Variants in WASF1 observed in about 807,000 individuals in gnomAD.
The protein encoded by WASF1 is WASP family member 1.
Under a neutral mutation model 50.5 loss-of-function variants are expected in WASF1, and 7 were observed. That is an observed-to-expected ratio of 0.14 (90% CI 0.08 to 0.26). WASF1 has a LOEUF of 0.26. WASF1 is among the 10% of genes least tolerant of loss of function. The pLI is 1.00. For missense variants in WASF1, 470 were observed against 694.7 expected (o/e 0.68, Z 3.64); for synonymous variants, 205 against 244.0 (o/e 0.84, Z 1.49).
chr6:110,177,531 T>C (rs1464178500), intron 2 of WASF1, among the ~76,000 whole-genome samples: 1 of 152,110 alleles, frequency 6.6e-6, no homozygotes, highest in Non-Finnish European at 1.5e-5. Context: ...AGATTTAAAT[T>C]TTCTTTAAAA....
chr6:110,171,785 TG>T (rs1191905230), intron 2 of WASF1, among the ~76,000 whole-genome samples: 1 of 152,088 alleles, frequency 6.6e-6, no homozygotes, highest in Non-Finnish European at 1.5e-5. Context: ...TCTACCCTTC[TG>T]ACAAAGGGCT....
chr6:110,100,410 T>C lies in WASF1; in HGVS notation c.*112A>G. 1.9e-6 allele frequency: 2 copies of C among 1,046,672 alleles called. No homozygotes were observed. The highest frequency in any genetic ancestry group is 2.6e-6 in the Non-Finnish European group (2 of 767,196). The allele number at this position is 1,046,672 out of a possible 1,614,324, so 64.8% of individuals were successfully genotyped here. On this transcript the variant is annotated 3_prime_UTR_variant, in exon 11 of 11. Coordinates refer to ENST00000392589, the MANE Select transcript of WASF1 (RefSeq NM_003931.3). The stretch of plus-strand genomic sequence containing the variant: ...CAAAAGTTATGGAGGAAAAGGGTCA[T>C]TTATTATAAGGAAAAGAAAGCAAAA...
chr6:110,110,177 A>C (rs1447479231), intron 5 of WASF1, among the ~76,000 whole-genome samples: 1 of 152,226 alleles, frequency 6.6e-6, no homozygotes, highest in Non-Finnish European at 1.5e-5. Flanking sequence ...TTTAATCTTT[A>C]CAATTCAGTA....
At chr6:110,117,023 A>T (rs950777333) in intron 4 of WASF1, among the ~76,000 whole-genome samples, 1 of 152,178 alleles carries the variant, frequency 6.6e-6, no homozygotes, top group Non-Finnish European at 1.5e-5. Flanking sequence ...TCGAAGACCA[A>T]AGGTAGATAA....
chr6:110,134,042 G>A (rs1373634223), intron 3 of WASF1, among the ~76,000 whole-genome samples: 2 of 152,036 alleles, frequency 1.3e-5, no homozygotes, highest in African/African-American at 4.8e-5. Context: ...GGAGAGCAGT[G>A]GCATGATCTA....
intron 3 of WASF1, among the ~76,000 whole-genome samples, chr6:110,159,771 G>A: frequency 6.6e-6 from 1 of 151,770 alleles, no homozygotes. Flanking sequence ...TATACACATG[G>A]CTTGAAGGTA....
chr6:110,163,424 T>C lies in WASF1; in HGVS notation c.-126-2692A>G, dbSNP rs1372592251. On this transcript the variant is annotated intron_variant, in intron 2 of 10. Transcript: ENST00000392589. ...GTCCTGTTCCAGGCTGTAGACTTCT[T>C]GTTGTGTTCTCATATGGCAGAAAGC... Among the ~76,000 whole-genome samples, 7 of 151,478 alleles carry C rather than the reference T, an allele frequency of 4.6e-5. 1 individual carries two copies. The highest frequency in any genetic ancestry group is 8.9e-5 in the Non-Finnish European group (6 of 67,644).
chr6:110,151,569 T>C (rs553639956), intron 3 of WASF1, among the ~76,000 whole-genome samples: 1 of 152,310 alleles, frequency 6.6e-6, no homozygotes, highest in South Asian at 2.1e-4. Flanking sequence ...AAATGCACAC[T>C]TACATTCATT....
chr6:110,141,811 A>C (rs1196998316), intron 3 of WASF1, among the ~76,000 whole-genome samples: 2 of 150,964 alleles, frequency 1.3e-5, no homozygotes, highest in Non-Finnish European at 2.9e-5. Flanking sequence ...TCGCTCTGTC[A>C]CCCAGGCTGG....
At chr6:110,125,556 G>C (rs569533268) in intron 4 of WASF1, among the ~76,000 whole-genome samples, 1 of 152,222 alleles carries the variant, frequency 6.6e-6, no homozygotes, top group East Asian at 1.9e-4. Flanking sequence ...TATGTGCATG[G>C]TCTTTAGTGC....
chr6:110,171,233 C>T (rs1278219467), intron 2 of WASF1, among the ~76,000 whole-genome samples: 1 of 152,086 alleles, frequency 6.6e-6, no homozygotes, highest in Admixed American at 6.6e-5. Flanking sequence ...ACAGTATATG[C>T]TCTCAGACCA....
Position 110,127,526 on chromosome 6 carries a change from G to A in WASF1, c.76C>T (p.Leu26=). 1 of 1,603,830 alleles carries A rather than the reference G, an allele frequency of 6.2e-7. No individual in the cohort carries two copies. Among genetic ancestry groups the A allele is most frequent in the Non-Finnish European group, 8.5e-7 (1 of 1,175,534 alleles). The change falls in exon 4 of 11, where the codon CTG becomes TTG. Residue 26 remains leucine, a synonymous_variant. Coordinates refer to ENST00000392589, the MANE Select transcript of WASF1 (RefSeq NM_003931.3). ...TALPRGIKNE[L]ECVTNISLAN... The stretch of plus-strand genomic sequence containing the variant: ...AAGGAAATATTGGTTACACATTCCA[G>A]TTCATTCTTAATGCCTCTAGGCAGT...
intron 2 of WASF1, among the ~76,000 whole-genome samples, chr6:110,167,582 T>G (rs1366562809): frequency 6.6e-6 from 1 of 152,044 alleles, no homozygotes; most frequent in African/African-American, 2.4e-5. Context: ...TCCTGGTACC[T>G]TTTCTCTTAT....
intron 3 of WASF1, among the ~76,000 whole-genome samples, chr6:110,159,082 T>C (rs1297009524): frequency 6.6e-6 from 1 of 151,986 alleles, no homozygotes; most frequent in African/African-American, 2.4e-5. Flanking sequence ...ACAGGGATCA[T>C]ATCTTACATT....
chr6:110,140,960 T>C (rs1246364179), intron 3 of WASF1, among the ~76,000 whole-genome samples: 1 of 152,144 alleles, frequency 6.6e-6, no homozygotes, highest in African/African-American at 2.4e-5. Flanking sequence ...GACAAAAGGA[T>C]GAATCACATT....
At chr6:110,145,950 G>A (rs1459218354) in intron 3 of WASF1, among the ~76,000 whole-genome samples, 1 of 143,494 alleles carries the variant, frequency 7.0e-6, no homozygotes, top group African/African-American at 2.6e-5. Context: ...CATGGACACA[G>A]GAAGGGGAAC....
chr6:110,105,696 TA>T (rs1160694458), intron 7 of WASF1, 117 bp from the exon 8 acceptor site: 1 of 977,630 alleles, frequency 1.0e-6, no homozygotes, highest in Non-Finnish European at 1.5e-6. Context: ...GTCATCATAA[TA>T]TAGTAAAAGT....
In WASF1 at chr6:110,103,637, A is replaced by G. The variant is rs539040937; in HGVS notation, c.714-80T>C. Reference sequence around the variant, plus strand: ...GTTCTACATGAGATATTAAATATTTAAAGTTTATCCTTTCAATGCCAATAT... The same window carrying G: ...GTTCTACATGAGATATTAAATATTTGAAGTTTATCCTTTCAATGCCAATAT... On this transcript the variant is annotated intron_variant, in intron 8 of 10. Coordinates refer to ENST00000392589, the MANE Select transcript of WASF1 (RefSeq NM_003931.3). 3.4e-5 allele frequency: 43 copies of G among 1,279,540 alleles called. No individual in the cohort carries two copies. The African/African-American group carries it at 6.0e-4, about 18-fold the overall frequency. The allele number at this position is 1,279,540 out of a possible 1,614,324, so 79.3% of individuals were successfully genotyped here. A position where few individuals can be genotyped will look rare whatever the true frequency, so the allele number is the denominator to read the frequency against.
intron 3 of WASF1, among the ~76,000 whole-genome samples, chr6:110,132,328 TTC>T (rs1468998757): frequency 3.3e-5 from 5 of 151,894 alleles, no homozygotes; most frequent in African/African-American, 4.8e-5. Context: ...TATATTTTAT[TTC>T]TTTTTCTTGC....
Sources: allele counts gnomAD v4.1 joint callset (sites outside exome capture counted in the v4.1 genomes callset), GRCh38; gene constraint gnomAD v4.1.1; transcripts MANE v1.5; gene names NCBI Gene and HGNC (gene_info 2026-07-23, HGNC 2026-07-21).